Variants in SUSD1 observed in about 807,000 individuals in gnomAD.
SUSD1 encodes sushi domain containing 1.
SUSD1 carries 65 observed loss-of-function variants against 86.9 expected under a neutral mutation model. The ratio of observed to expected loss-of-function variants is 0.75; its 90% CI spans 0.61 to 0.92. SUSD1 has a LOEUF of 0.92. Among genes scored for constraint, SUSD1 ranks in the 40% least tolerant of loss-of-function variants. SUSD1 has a pLI of 0.00. For synonymous variants in SUSD1, 346 were observed against 350.0 expected (o/e 0.99, Z 0.13); for missense variants, 850 against 929.7 (o/e 0.91, Z 1.11).
chr9:112,141,830 T>A (rs2131752076), intron 5 of SUSD1, among the ~76,000 whole-genome samples: 1 of 143,670 alleles, frequency 7.0e-6, no homozygotes, highest in African/African-American at 2.5e-5. Context: ...TATATGTTAT[T>A]CCCACATGAC....
At chr9:112,057,732 A>G (rs981238394) in intron 14 of SUSD1, among the ~76,000 whole-genome samples, 1 of 152,226 alleles carries the variant, frequency 6.6e-6, no homozygotes, top group Non-Finnish European at 1.5e-5. Flanking sequence ...ACATACTTTT[A>G]TCTCAAATTC....
rs1006051725 is a variant in SUSD1 at position 112,061,934 on chromosome 9, G to A, written c.1850+1003C>T. Among the ~76,000 whole-genome samples the A allele has an allele frequency of 3.2e-4, 48 of 151,854 alleles. 1 individual carries two copies. Among genetic ancestry groups the A allele is most frequent in the Non-Finnish European group, 4.4e-5 (3 of 67,964 alleles). On this transcript the variant is annotated intron_variant, in intron 13 of 16. Coordinates refer to ENST00000374270, the MANE Select transcript of SUSD1 (RefSeq NM_022486.5). ...GTGAGCAAGCTGTTCATCTCTCCAC[G>A]CCAACCTCAATCTTCCTCTCTAAAA...
chr9:112,117,815 A>G (rs1240559563), intron 6 of SUSD1, among the ~76,000 whole-genome samples: 1 of 152,242 alleles, frequency 6.6e-6, no homozygotes, highest in Non-Finnish European at 1.5e-5. Flanking sequence ...TAAAGGATCA[A>G]CAATGCTAAA....
intron 10 of SUSD1, among the ~76,000 whole-genome samples, chr9:112,088,541 C>T (rs555403066): frequency 6.6e-6 from 1 of 152,268 alleles, no homozygotes; most frequent in East Asian, 1.9e-4. Context: ...AACTCCAGCA[C>T]CTTGGGAGGC....
intron 1 of SUSD1, among the ~76,000 whole-genome samples, chr9:112,168,564 C>T (rs141169264): frequency 3.6e-4 from 55 of 152,310 alleles, no homozygotes; most frequent in African/African-American, 1.2e-3. Context: ...CTTCAATACA[C>T]GAGCAACAAC....
At chr9:112,082,984 C>T (rs569667634) in intron 10 of SUSD1, among the ~76,000 whole-genome samples, 1 of 152,218 alleles carries the variant, frequency 6.6e-6, no homozygotes, top group South Asian at 2.1e-4. Context: ...AAGCAATCCT[C>T]CTACCTCAGC....
At chr9:112,046,413 C>T (rs1827958095) in intron 15 of SUSD1, among the ~76,000 whole-genome samples, 1 of 152,184 alleles carries the variant, frequency 6.6e-6, no homozygotes, top group Non-Finnish European at 1.5e-5. Context: ...ATCAGTTACT[C>T]AATCTTGGAG....
intron 10 of SUSD1, among the ~76,000 whole-genome samples, 156 bp from the exon 11 acceptor site, chr9:112,080,321 A>G (rs926810105): frequency 6.6e-6 from 1 of 152,222 alleles, no homozygotes; most frequent in African/African-American, 2.4e-5. Flanking sequence ...TACCACTTTT[A>G]TATCTAGGTA....
intron 2 of SUSD1, among the ~76,000 whole-genome samples, chr9:112,156,006 A>AAGAGAGAGAAGGGAG (rs1369427736): frequency 6.6e-6 from 1 of 151,446 alleles, no homozygotes; most frequent in African/African-American, 2.4e-5. Context: ...GAAAGAAAGA[A>AAGAGAGAGAAGGGAG]AGAGAGAGAA....
intron 1 of SUSD1, among the ~76,000 whole-genome samples, chr9:112,170,672 C>A (rs1478933086): frequency 6.8e-6 from 1 of 147,590 alleles, no homozygotes; most frequent in Non-Finnish European, 1.5e-5. Flanking sequence ...ACTGAATATA[C>A]AAATGGACAA....
At chr9:112,149,204 C>T (rs373325743) in intron 3 of SUSD1, 40 bp downstream of exon 3, 98 of 1,609,748 alleles carry the variant, frequency 6.1e-5, no homozygotes, top group Middle Eastern at 1.6e-4. Flanking sequence ...ACTATCCTGC[C>T]ATCGCCAATT....
At chr9:112,102,990 AT>A in intron 8 of SUSD1, 1 of 330,904 alleles carries the variant, frequency 3.0e-6, no homozygotes. Context: ...TTACTAATGA[AT>A]TAAAGAAATA....
intron 3 of SUSD1, among the ~76,000 whole-genome samples, chr9:112,143,998 G>A (rs1000817489): frequency 6.6e-6 from 1 of 152,102 alleles, no homozygotes; most frequent in Non-Finnish European, 1.5e-5. Context: ...CCAGCACTTT[G>A]GGAAGCCGAA....
rs1829707329 is a variant in SUSD1 at position 112,080,245 on chromosome 9, G to A, written c.1475-80C>T. ...CTTTTAATTGAGCCATTTTTCCAAG[G>A]ATAAGTGTTAGCATGAGTTCAACAG... On this transcript the variant is annotated intron_variant, in intron 10 of 16. Transcript: ENST00000374270. 33 of 1,009,664 alleles carry A rather than the reference G, an allele frequency of 3.3e-5. No homozygotes were observed. In the South Asian group the frequency reaches 3.5e-4, roughly 11 times the overall value. 62.5% of individuals were successfully genotyped at this position (1,009,664 alleles called of 1,614,324 possible).
rs562195958 is a variant in SUSD1, at chr9:112,144,705, T to C, written c.374-1082A>G. ...GCCAGCCCATGAGTATAGGATGGTG[T>C]GGCAGGTAATAAGGTGGTAACTTAA... On this transcript the variant is annotated intron_variant, in intron 3 of 16. Transcript: ENST00000374270. 2.6e-5 allele frequency among the ~76,000 whole-genome samples: 4 copies of C among 152,192 alleles called. No homozygotes were observed. The South Asian group carries it at 8.3e-4, about 31-fold the overall frequency.
At chr9:112,086,254 G>A (rs1378193245) in intron 10 of SUSD1, among the ~76,000 whole-genome samples, 1 of 150,292 alleles carries the variant, frequency 6.7e-6, no homozygotes, top group African/African-American at 2.5e-5. Context: ...GGAGGTCAAA[G>A]CTGCAGTGAG....
chr9:112,132,471 T>G (rs374339526), intron 5 of SUSD1, among the ~76,000 whole-genome samples: 3 of 152,196 alleles, frequency 2.0e-5, no homozygotes, highest in African/African-American at 7.2e-5. Context: ...GTTTTCATCT[T>G]TACCCAACAA....
intron 2 of SUSD1, among the ~76,000 whole-genome samples, chr9:112,156,288 C>A (rs1833312054): frequency 6.6e-6 from 1 of 151,970 alleles, no homozygotes; most frequent in Admixed American, 6.6e-5. Context: ...ATGGTGAAAC[C>A]CAGTCTCTAC....
chr9:112,049,998 G>C (rs969267558), intron 15 of SUSD1, among the ~76,000 whole-genome samples: 4 of 152,178 alleles, frequency 2.6e-5, no homozygotes, highest in Non-Finnish European at 5.9e-5. Flanking sequence ...CTTCTACCCA[G>C]TTTGAATGTC....
Sources: gnomAD v4.1 joint callset for allele counts (sites outside exome capture counted in the v4.1 genomes callset) on GRCh38, gnomAD v4.1.1 for gene constraint, MANE v1.5 for transcripts, NCBI Gene and HGNC (gene_info 2026-07-23, HGNC 2026-07-21) for gene names.